Variants in DMBT1 observed in about 807,000 individuals in gnomAD.
The protein encoded by DMBT1 is scavenger receptor cysteine-rich domain-containing protein DMBT1.
DMBT1 carries 198 observed loss-of-function variants against 252.9 expected under a neutral mutation model. The ratio of observed to expected loss-of-function variants is 0.78; its 90% CI spans 0.70 to 0.88. DMBT1 has a LOEUF of 0.88. DMBT1 is among the 40% of genes least tolerant of loss of function. The pLI, the probability that DMBT1 is intolerant of heterozygous loss-of-function variation, is 0.00. For synonymous variants in DMBT1, 990 were observed against 942.7 expected (o/e 1.05, Z -0.92); for missense variants, 2,432 against 2,404.7 (o/e 1.01, Z -0.24).
chr10:122,639,689 G>A (rs981971897), intron 54 of DMBT1, among the ~76,000 whole-genome samples: 14 of 152,316 alleles, frequency 9.2e-5, no homozygotes, highest in Admixed American at 6.5e-4. Flanking sequence ...TATTGCGGTC[G>A]TATGGTTTAA....
At chr10:122,588,876 G>A (rs957825093) in intron 16 of DMBT1, 68 bp from the exon 17 acceptor site, 1 of 1,579,400 alleles carries the variant, frequency 6.3e-7, no homozygotes, top group Non-Finnish European at 8.6e-7. Context: ...TGCCCTGAGT[G>A]TGGAATGTGC....
At chr10:122,585,885 G>A (rs530907517) in intron 15 of DMBT1, among the ~76,000 whole-genome samples, 175 bp from the exon 16 acceptor site, 7 of 148,906 alleles carry the variant, frequency 4.7e-5, no homozygotes, top group African/African-American at 1.7e-4. Flanking sequence ...CATAAACCCA[G>A]GCAGAACTGC....
intron 53 of DMBT1, 115 bp from the exon 54 acceptor site, chr10:122,637,013 C>A: frequency 1.0e-6 from 1 of 965,490 alleles, no homozygotes; most frequent in Non-Finnish European, 1.5e-6. Flanking sequence ...AGTGCTGACC[C>A]TCCCTGTCAG....
chr10:122,566,045 C>T, intron 2 of DMBT1, 49 bp downstream of exon 2: 3 of 1,598,946 alleles, frequency 1.9e-6, no homozygotes, highest in South Asian at 1.1e-5. Context: ...GGCCAGTTCT[C>T]CTCTGCTACT....
Position 122,630,273 on chromosome 10 carries a change from A to G in DMBT1, c.5823-15A>G, listed in dbSNP as rs2098151312. 1.2e-6 allele frequency: 2 copies of G among 1,609,476 alleles called. No individual in the cohort carries two copies. The highest frequency in any genetic ancestry group is 1.7e-6 in the Non-Finnish European group (2 of 1,175,882). On this transcript the variant is annotated splice_polypyrimidine_tract_variant and intron_variant, in intron 47 of 55. Coordinates refer to ENST00000338354, the MANE Select transcript of DMBT1 (RefSeq NM_001377530.1). ...GGAATTTCAATGTTGACTTGAATAC[A>G]TTTTCTCCATACAGATTGGAGGCAC...
At chr10:122,591,953 G>T (rs1051148828) in intron 19 of DMBT1, among the ~76,000 whole-genome samples, 1 of 149,048 alleles carries the variant, frequency 6.7e-6, no homozygotes, top group African/African-American at 2.4e-5. Context: ...TCGACATGGG[G>T]ATAGCATAGG....
chr10:122,563,069 C>T (rs2133496132), intron 1 of DMBT1, among the ~76,000 whole-genome samples: 1 of 152,324 alleles, frequency 6.6e-6, no homozygotes, highest in Non-Finnish European at 1.5e-5. Flanking sequence ...AGCCTGACCA[C>T]AGAGCTTTGC....
chr10:122,565,998 T>C lies in DMBT1; in HGVS notation c.91+2T>C. Reference sequence around the variant, plus strand: ...GGATCCCAAGGACTACAGACTACGGTAAGACCTTTTCTTCACTCCTCTTCC... The same window carrying C: ...GGATCCCAAGGACTACAGACTACGGCAAGACCTTTTCTTCACTCCTCTTCC... On this transcript the variant is annotated splice_donor_variant, in intron 2 of 55. Coordinates refer to ENST00000338354, the MANE Select transcript of DMBT1 (RefSeq NM_001377530.1). LOFTEE classifies it high-confidence loss of function. 1 of 1,613,938 alleles carries C rather than the reference T, an allele frequency of 6.2e-7. No individual in the cohort carries two copies. The highest frequency in any genetic ancestry group is 8.5e-7 in the Non-Finnish European group (1 of 1,179,834).
intron 40 of DMBT1, among the ~76,000 whole-genome samples, chr10:122,617,585 G>A (rs1042466397): frequency 2.0e-5 from 3 of 151,620 alleles, no homozygotes; most frequent in East Asian, 4.0e-4. Context: ...ACCTGCAAGG[G>A]TGGGTGAAAA....
chr10:122,619,503 A>G (rs1591475132), intron 42 of DMBT1, among the ~76,000 whole-genome samples, 166 bp downstream of exon 42: 1 of 152,212 alleles, frequency 6.6e-6, no homozygotes, highest in Non-Finnish European at 1.5e-5. Flanking sequence ...TTCAACAGAC[A>G]TAGGGTTCAG....
chr10:122,599,967 C>A (rs939049913), intron 26 of DMBT1, 97 bp from the exon 27 acceptor site: 2 of 1,504,482 alleles, frequency 1.3e-6, no homozygotes, highest in South Asian at 1.1e-5. Context: ...CTAGGATGGA[C>A]TGAGTGTCAG....
intron 6 of DMBT1, 85 bp from the exon 7 acceptor site, chr10:122,576,314 T>G (rs1185184826): frequency 6.5e-7 from 1 of 1,539,312 alleles, no homozygotes; most frequent in Non-Finnish European, 8.8e-7. Flanking sequence ...TATCTGCCTA[T>G]GGGGAAGACC....
At position 122,598,961 on chromosome 10, in the gene DMBT1, T is replaced by G; in HGVS notation, c.3144T>G (p.Phe1048Leu). Residue 1048 changes from phenylalanine (F) to leucine (L), a missense_variant, in exon 26 of 56, where the codon TTT (phenylalanine) becomes TTG (leucine). This residue lies in a region of DMBT1 where 1,264 missense variants were observed against 1,082.2 expected (regional missense o/e 1.17). Transcript: ENST00000338354. ...TGTCAGCCCCAGGAAATGCCCGGTT[T>G]GGTCAGGGCTCAGGACCCATTGTCC... is the stretch of plus-strand genomic sequence containing the variant. ...WAMSAPGNAR[F>L]GQGSGPIVLD... 6.2e-7 allele frequency: 1 copy of G among 1,613,770 alleles called. No individual in the cohort carries two copies. The highest frequency in any genetic ancestry group is 8.5e-7 in the Non-Finnish European group (1 of 1,179,730).
chr10:122,586,462 A>T lies in DMBT1; in HGVS notation c.1783+79A>T, dbSNP rs28572603. ...GGTTTTATTATGTTCTAATCTCCTC[A>T]CTTAGAGCTTTTTCAACTTTTCCTA... is the stretch of plus-strand genomic sequence containing the variant. On this transcript the variant is annotated intron_variant, in intron 16 of 55. Coordinates refer to ENST00000338354, the MANE Select transcript of DMBT1 (RefSeq NM_001377530.1). 5.2e-3 allele frequency: 8,036 copies of T among 1,535,448 alleles called. 170 individuals carry two copies. The African/African-American group carries it at 0.095, about 18-fold the overall frequency.
At chr10:122,577,394 C>T (rs1214087119) in intron 7 of DMBT1, among the ~76,000 whole-genome samples, 2 of 152,128 alleles carry the variant, frequency 1.3e-5, no homozygotes, top group Non-Finnish European at 2.9e-5. Flanking sequence ...GGTGGGCTCA[C>T]GAGTGAGCTC....
chr10:122,631,696 A>G (rs2098166344), intron 49 of DMBT1, among the ~76,000 whole-genome samples, 159 bp from the exon 50 acceptor site: 1 of 152,120 alleles, frequency 6.6e-6, no homozygotes, highest in South Asian at 2.1e-4. Flanking sequence ...CATCTGGGGA[A>G]GCTGGGAAGG....
chr10:122,632,035 G>A (rs896771985), intron 50 of DMBT1, among the ~76,000 whole-genome samples, 160 bp downstream of exon 50: 1 of 152,046 alleles, frequency 6.6e-6, no homozygotes. Flanking sequence ...CCAGGATAGT[G>A]TGCCCCTCTC....
intron 6 of DMBT1, among the ~76,000 whole-genome samples, chr10:122,575,578 C>G (rs570387073): frequency 1.1e-4 from 16 of 152,284 alleles, no homozygotes; most frequent in African/African-American, 3.6e-4. Context: ...AAAGCAGAGA[C>G]TACCACTACA....
Position 122,572,376 on chromosome 10 carries a change from G to A in DMBT1, c.235+15G>A. ...CGTAGCAGAAGGTAACGTCTACTAT[G>A]GGGGAGCTCTATGGGCTCATTACCC... On this transcript the variant is annotated intron_variant, in intron 5 of 55. Transcript: ENST00000338354. 1 of 1,612,142 alleles carries A rather than the reference G, an allele frequency of 6.2e-7. No individual in the cohort carries two copies. Among genetic ancestry groups the A allele is most frequent in the Non-Finnish European group, 8.5e-7 (1 of 1,178,494 alleles).
Sources: allele counts gnomAD v4.1 joint callset (sites outside exome capture counted in the v4.1 genomes callset), GRCh38; gene constraint gnomAD v4.1.1; regional missense constraint gnomAD v4.1.1; transcripts MANE v1.5; gene names NCBI Gene and HGNC (gene_info 2026-07-23, HGNC 2026-07-21).